NDST4: variants seen among roughly 807,000 people sequenced by gnomAD.
NDST4 encodes the protein N-heparan sulfate sulfotransferase 4.
A neutral mutation model predicts 100.8 loss-of-function variants in NDST4; 63 were observed. The ratio of observed to expected loss-of-function variants is 0.62; its 90% CI spans 0.51 to 0.77. The LOEUF is 0.77. NDST4 is among the 30% of genes least tolerant of loss of function. The probability of loss-of-function intolerance (pLI) is 0.00; values close to 1 mark genes in which losing one functional copy is unlikely to be tolerated. For missense variants in NDST4, 943 were observed against 1,018.4 expected (o/e 0.93, Z 1.01); for synonymous variants, 377 against 361.8 (o/e 1.04, Z -0.48).
chr4:114,985,153 T>A (rs1212225738), intron 2 of NDST4, among the ~76,000 whole-genome samples: 1 of 152,176 alleles, frequency 6.6e-6, no homozygotes, highest in Admixed American at 6.5e-5. Context: ...GTTTGAACTG[T>A]AGGGATCCTA....
chr4:114,983,122 T>G (rs1208629366), intron 2 of NDST4, among the ~76,000 whole-genome samples: 4 of 152,210 alleles, frequency 2.6e-5, no homozygotes, highest in Admixed American at 2.6e-4. Context: ...AGAGCCCTCA[T>G]GGAGAATTTC....
chr4:114,908,348 A>C (rs1724995138), intron 6 of NDST4, among the ~76,000 whole-genome samples: 1 of 152,138 alleles, frequency 6.6e-6, no homozygotes, highest in Admixed American at 6.5e-5. Flanking sequence ...CTTTATTTTC[A>C]CATTGTCCTC....
chr4:115,044,240 T>C (rs964873550), intron 2 of NDST4, among the ~76,000 whole-genome samples: 1 of 152,090 alleles, frequency 6.6e-6, no homozygotes, highest in African/African-American at 2.4e-5. Flanking sequence ...CTGAAACGCC[T>C]AAGATCTGGA....
chr4:115,079,579 A>C (rs2126290904), intron 1 of NDST4, among the ~76,000 whole-genome samples: 1 of 152,276 alleles, frequency 6.6e-6, no homozygotes, highest in African/African-American at 2.4e-5. Context: ...TTTGGGTGAA[A>C]ATAGTTCATG....
chr4:115,021,363 T>C (rs184762475), intron 2 of NDST4, among the ~76,000 whole-genome samples: 45 of 147,294 alleles, frequency 3.1e-4, no homozygotes, highest in African/African-American at 1.1e-3. Context: ...ATTCCATATA[T>C]ACATTCCATA....
intron 1 of NDST4, among the ~76,000 whole-genome samples, chr4:115,102,725 T>G (rs1729756646): frequency 6.8e-6 from 1 of 146,896 alleles, no homozygotes; most frequent in South Asian, 2.2e-4. Flanking sequence ...TTTTTTTTTT[T>G]GACATGGAGT....
At chr4:114,992,732 T>C (rs1166778930) in intron 2 of NDST4, among the ~76,000 whole-genome samples, 1 of 151,904 alleles carries the variant, frequency 6.6e-6, no homozygotes, top group Non-Finnish European at 1.5e-5. Context: ...ACTTTTACAA[T>C]AATTCTATGC....
At chr4:114,865,607 G>T (rs563827489) in intron 7 of NDST4, among the ~76,000 whole-genome samples, 1 of 152,142 alleles carries the variant, frequency 6.6e-6, no homozygotes, top group South Asian at 2.1e-4. Flanking sequence ...TATTATACTT[G>T]GATTAAATGC....
chr4:114,863,013 TC>T (rs796447201), intron 7 of NDST4, among the ~76,000 whole-genome samples: 2 of 152,162 alleles, frequency 1.3e-5, no homozygotes, highest in South Asian at 4.1e-4. Flanking sequence ...TCACCTCTTT[TC>T]CTGGCAAGTT....
chr4:114,898,663 A>T (rs1724768580), intron 6 of NDST4, among the ~76,000 whole-genome samples: 1 of 152,190 alleles, frequency 6.6e-6, no homozygotes, highest in Non-Finnish European at 1.5e-5. Context: ...CTTCCTATAC[A>T]CAAACATGGA....
intron 10 of NDST4, among the ~76,000 whole-genome samples, chr4:114,842,226 C>G (rs1422676038): frequency 6.6e-6 from 1 of 152,076 alleles, no homozygotes; most frequent in East Asian, 1.9e-4. Flanking sequence ...ATTTCACATC[C>G]TCTTTTTTTC....
chr4:115,088,064 A>G (rs1729442924), intron 1 of NDST4, among the ~76,000 whole-genome samples: 1 of 151,938 alleles, frequency 6.6e-6, no homozygotes. Context: ...TGAAATATAC[A>G]TCATTATTTT....
intron 3 of NDST4, among the ~76,000 whole-genome samples, chr4:114,974,237 T>C (rs1378823905): frequency 2.6e-5 from 4 of 151,544 alleles, no homozygotes; most frequent in Non-Finnish European, 5.9e-5. Flanking sequence ...TTGTTACCAA[T>C]ATCAGGTCTT....
At chr4:115,023,765 T>C (rs1422593471) in intron 2 of NDST4, among the ~76,000 whole-genome samples, 1 of 152,138 alleles carries the variant, frequency 6.6e-6, no homozygotes, top group Non-Finnish European at 1.5e-5. Flanking sequence ...AAAGGTATCA[T>C]GAACACAAAG....
At chr4:114,964,444 C>T (rs279540) in intron 4 of NDST4, among the ~76,000 whole-genome samples, 131,942 of 152,166 alleles carry the variant, frequency 0.87, 57,682 homozygotes, top group African/African-American at 0.92. Context: ...GTCTAAGTAA[C>T]TTGTTATTAA....
chr4:114,953,356 G>A (rs1378657598), intron 4 of NDST4, among the ~76,000 whole-genome samples: 1 of 152,068 alleles, frequency 6.6e-6, no homozygotes, highest in Non-Finnish European at 1.5e-5. Context: ...TTACTGAAAT[G>A]AGAATCTGGC....
At chr4:114,921,786 T>C (rs544753217) in intron 6 of NDST4, among the ~76,000 whole-genome samples, 8 of 152,248 alleles carry the variant, frequency 5.3e-5, no homozygotes, top group Non-Finnish European at 8.8e-5. Flanking sequence ...AGCTGCCTGT[T>C]TGATTTCATG....
Position 115,077,145 on chromosome 4 carries a change from C to T in NDST4, c.-109G>A. 1 of 1,013,390 alleles carries T rather than the reference C, an allele frequency of 9.9e-7. No individual in the cohort carries two copies. Among genetic ancestry groups the T allele is most frequent in the Non-Finnish European group, 1.4e-6 (1 of 712,256 alleles). The allele number at this position is 1,013,390 out of a possible 1,614,324, so 62.8% of individuals were successfully genotyped here. ...ATCACTTCCCCAGAGTTCATGTAAC[C>T]ATCGCAAATCATGTAAAATGTTTGA... On this transcript the variant is annotated 5_prime_UTR_variant, in exon 2 of 14. It removes an upstream start codon present in the reference 5' UTR. Coordinates refer to ENST00000264363, the MANE Select transcript of NDST4 (RefSeq NM_022569.3).
intron 6 of NDST4, among the ~76,000 whole-genome samples, chr4:114,904,110 A>G (rs1724901242): frequency 6.6e-6 from 1 of 152,038 alleles, no homozygotes; most frequent in Admixed American, 6.6e-5. Context: ...AAAAAAGGGT[A>G]AGAAGTATGA....
Sources: gnomAD v4.1 joint callset for allele counts (sites outside exome capture counted in the v4.1 genomes callset) on GRCh38, gnomAD v4.1.1 for gene constraint, MANE v1.5 for transcripts, NCBI Gene and HGNC (gene_info 2026-07-23, HGNC 2026-07-21) for gene names.